MGAT2: variants seen among roughly 807,000 people sequenced by gnomAD.
MGAT2 encodes Beta-1,2-N-acetylglucosaminyltransferase II.
In MGAT2, 17 loss-of-function variants were observed where a neutral mutation model predicts 33.8. That is an observed-to-expected ratio of 0.50 (90% CI 0.34 to 0.76). The LOEUF (loss-of-function observed/expected upper bound fraction) is 0.76. Ranked by LOEUF, MGAT2 falls within the 30% of genes least tolerant of loss-of-function variation. MGAT2 has a pLI of 0.01. For synonymous variants in MGAT2, 248 were observed against 226.7 expected, an observed-to-expected ratio of 1.09 and a Z score of -0.84; for missense variants, 529 against 553.9, an observed-to-expected ratio of 0.96 and a Z score of 0.45.
rs570347177 is a variant in MGAT2, at chr14:49,622,670, T to A, written c.*58T>A. The stretch of plus-strand genomic sequence containing the variant: ...TTTTGATATTTGTCCAAACAGGACA[T>A]ACAATTGAATAAAAGAGTTTAGGAA... On this transcript the variant is annotated 3_prime_UTR_variant, in exon 1 of 1. Coordinates refer to ENST00000305386, the MANE Select transcript of MGAT2 (RefSeq NM_002408.4). 6.6e-7 allele frequency: 1 copy of A among 1,525,386 alleles called. No homozygotes were observed. The highest frequency in any genetic ancestry group is 2.3e-5 in the East Asian group (1 of 44,132). The allele number at this position is 1,525,386 out of a possible 1,614,324, so 94.5% of individuals were successfully genotyped here. A position where few individuals can be genotyped will look rare whatever the true frequency, so the allele number is the denominator to read the frequency against.
rs1882863052 is a variant in MGAT2, at chr14:49,621,827, G to C, written c.559G>C (p.Glu187Gln). 3 of 1,614,142 alleles carry C rather than the reference G, an allele frequency of 1.9e-6. No homozygotes were observed. Among genetic ancestry groups the C allele is most frequent in the Non-Finnish European group, 2.5e-6 (3 of 1,180,030 alleles). Residue 187 changes from glutamate to glutamine, a missense_variant, in exon 1 of 1, where the codon GAG becomes CAG. Physicochemically the swap from Glu to Gln is conservative, Grantham distance 29 (BLOSUM62 2). Coordinates refer to ENST00000305386, the MANE Select transcript of MGAT2 (RefSeq NM_002408.4). This position sits in a 1 kb window ranked among gnomAD's most constrained non-coding sequence, Gnocchi z 4.6. ...FPFSIQLYPNEFPGSDPRDCP... is the reference protein window; with the variant it reads ...FPFSIQLYPNQFPGSDPRDCP... ...TTTCAGCATTCAGTTGTACCCTAAC[G>C]AGTTTCCAGGTAGTGACCCTAGAGA...
Position 49,621,117 on chromosome 14 carries a change from C to G in MGAT2, c.-152C>G. On this transcript the variant is annotated 5_prime_UTR_variant, in exon 1 of 1. Transcript: ENST00000305386. This position sits in a 1 kb window ranked among gnomAD's most constrained non-coding sequence, Gnocchi z 4.6. The stretch of plus-strand genomic sequence containing the variant: ...TGAGAGGTCTCGGGCCCCAGGACCC[C>G]CGGGGCCCGGGATGAGTTAGCGAGG... 1 of 1,188,522 alleles carries G rather than the reference C, an allele frequency of 8.4e-7. No homozygotes were observed. Among genetic ancestry groups the G allele is most frequent in the Non-Finnish European group, 1.2e-6 (1 of 836,134 alleles). 73.6% of individuals were successfully genotyped at this position (1,188,522 alleles called of 1,614,324 possible). A position where few individuals can be genotyped will look rare whatever the true frequency, so the allele number is the denominator to read the frequency against.
rs1360821669 is a variant in MGAT2 at position 49,623,344 on chromosome 14, G to A, written c.*732G>A. On this transcript the variant is annotated 3_prime_UTR_variant, in exon 1 of 1. Coordinates refer to ENST00000305386, the MANE Select transcript of MGAT2 (RefSeq NM_002408.4). ...TAAAAAGGTTCCTAATCCTTTTGCA[G>A]AATAAGTTTTGTTTACTCTTTATAC... is the stretch of plus-strand genomic sequence containing the variant. 3 of 166,714 alleles carry A rather than the reference G, an allele frequency of 1.8e-5. No individual in the cohort carries two copies. Among genetic ancestry groups the A allele is most frequent in the Non-Finnish European group, 1.5e-5 (1 of 68,058 alleles). 10.3% of individuals were successfully genotyped at this position (166,714 alleles called of 1,614,324 possible). A position where few individuals can be genotyped will look rare whatever the true frequency, so the allele number is the denominator to read the frequency against.
rs761132325 is a variant in MGAT2 at position 49,621,731 on chromosome 14, T to A, written c.463T>A (p.Phe155Ile). ...CGTCCTCGTCATCTTTAGCCATGAC[T>A]TCTGGTCGACCGAGATCAATCAGCT... ...DNVLVIFSHD[F>I]WSTEINQLIA... is the part of the protein sequence containing the mutation. Residue 155 changes from phenylalanine (F) to isoleucine (I), a missense_variant, in exon 1 of 1, where the codon TTC becomes ATC. By Grantham distance (21) the Phe-to-Ile change is conservative. This residue lies in a region of MGAT2 where 501 missense variants were observed against 501.1 expected (regional missense o/e 1.00). Transcript: ENST00000305386. The surrounding 1 kb of genome is among the most constrained non-coding windows in gnomAD (Gnocchi z 4.6). 6.2e-7 allele frequency: 1 copy of A among 1,614,240 alleles called. No homozygotes were observed. Among genetic ancestry groups the A allele is most frequent in the South Asian group, 1.1e-5 (1 of 91,084 alleles).
Position 49,622,331 on chromosome 14 carries a change from G to T in MGAT2, c.1063G>T (p.Val355Leu). The T allele has an allele frequency of 6.2e-7, 1 of 1,614,138 alleles. No individual in the cohort carries two copies. Among genetic ancestry groups the T allele is most frequent in the Non-Finnish European group, 8.5e-7 (1 of 1,180,032 alleles). The change falls in exon 1 of 1, where the codon GTA (valine) becomes TTA (leucine). Residue 355 changes from valine (V) to leucine (L), a missense_variant. By Grantham distance (32) the Val-to-Leu change is conservative. Transcript: ENST00000305386. ...GGACTGGACTCTTCAATACTTGACT[G>T]TATCTTGTCTTCCAAAATTCTGGAA... Reference protein sequence around the residue: ...NWDWTLQYLTVSCLPKFWKVL... With the variant: ...NWDWTLQYLTLSCLPKFWKVL...
Position 49,622,595 on chromosome 14 carries a change from TATAGAAGA to T in MGAT2, c.1328_1335del (p.Tyr443SerfsTer16). 1 of 1,593,672 alleles carries T rather than the reference TATAGAAGA, an allele frequency of 6.3e-7. No individual in the cohort carries two copies. Among genetic ancestry groups the T allele is most frequent in the Non-Finnish European group, 8.5e-7 (1 of 1,174,420 alleles). ...TAGGGACCATGAACTCTGTAAAAGTTATAGAAGACTGCAGTGAAAATCACAGTTACAAA... is the reference window on the plus strand; with the variant it reads ...TAGGGACCATGAACTCTGTAAAAGTTCTGCAGTGAAAATCACAGTTACAAA... On this transcript the variant is annotated frameshift_variant, in exon 1 of 1. Transcript: ENST00000305386. LOFTEE classifies it high-confidence loss of function.
chr14:49,623,350 G>C lies in MGAT2; in HGVS notation c.*738G>C, dbSNP rs1031769834. 3 of 166,460 alleles carry C rather than the reference G, an allele frequency of 1.8e-5. No individual in the cohort carries two copies. The highest frequency in any genetic ancestry group is 2.9e-5 in the Non-Finnish European group (2 of 68,012). The allele number at this position is 166,460 out of a possible 1,614,324, so 10.3% of individuals were successfully genotyped here. ...GGTTCCTAATCCTTTTGCAGAATAA[G>C]TTTTGTTTACTCTTTATACCAAAAT... On this transcript the variant is annotated 3_prime_UTR_variant, in exon 1 of 1. Coordinates refer to ENST00000305386, the MANE Select transcript of MGAT2 (RefSeq NM_002408.4).
chr14:49,620,857 T>A lies in MGAT2; in HGVS notation c.-412T>A, dbSNP rs1435710881. On this transcript the variant is annotated 5_prime_UTR_variant, in exon 1 of 1. Transcript: ENST00000305386. ...AGTGAGGCGAGGCCGCGTCGCTCAG[T>A]TCTGGCCGTCTAGGGCCCCTGTAAG... is the stretch of plus-strand genomic sequence containing the variant. 7 of 672,338 alleles carry A rather than the reference T, an allele frequency of 1.0e-5. No individual in the cohort carries two copies. In the East Asian group the frequency reaches 1.9e-4, roughly 18 times the overall value. 41.6% of individuals were successfully genotyped at this position (672,338 alleles called of 1,614,324 possible). A position where few individuals can be genotyped will look rare whatever the true frequency, so the allele number is the denominator to read the frequency against.
Position 49,621,767 on chromosome 14 carries a change from G to T in MGAT2, c.499G>T (p.Val167Leu), listed in dbSNP as rs1398892073. 1 of 1,614,146 alleles carries T rather than the reference G, an allele frequency of 6.2e-7. No individual in the cohort carries two copies. Among genetic ancestry groups the T allele is most frequent in the Admixed American group, 1.7e-5 (1 of 60,014 alleles). Residue 167 changes from valine to leucine, a missense_variant, in exon 1 of 1, where the codon GTG becomes TTG. By Grantham distance (32) the Val-to-Leu change is conservative (BLOSUM62 1). Around this residue, in one of 2 missense-constraint regions of MGAT2, gnomAD observed 501 missense variants for 501.1 expected, o/e 1.00. Transcript: ENST00000305386. The surrounding 1 kb of genome is among the most constrained non-coding windows in gnomAD (Gnocchi z 4.6). ...CGAGATCAATCAGCTGATCGCCGGGGTGAATTTCTGTCCGGTTCTGCAGGT... is the reference window on the plus strand; with the variant it reads ...CGAGATCAATCAGCTGATCGCCGGGTTGAATTTCTGTCCGGTTCTGCAGGT... ...STEINQLIAG[V>L]NFCPVLQVFF...
rs1297291819 is a variant in MGAT2, at chr14:49,621,931, T to C, written c.663T>C (p.His221=). 1.2e-6 allele frequency: 2 copies of C among 1,614,194 alleles called. No homozygotes were observed. Among genetic ancestry groups the C allele is most frequent in the South Asian group, 1.1e-5 (1 of 91,084 alleles). Residue 221 remains histidine (H), a synonymous_variant, in exon 1 of 1, where the codon CAT becomes CAC. Transcript: ENST00000305386. The surrounding 1 kb of genome is among the most constrained non-coding windows in gnomAD (Gnocchi z 4.6). ...INAEYPDSFG[H]YREAKFSQTK... ...CTGAGTATCCCGACTCCTTCGGCCA[T>C]TATAGAGAGGCCAAATTCTCCCAGA...
Position 49,621,137 on chromosome 14 carries a change from G to A in MGAT2, c.-132G>A. 7.2e-7 allele frequency: 1 copy of A among 1,387,416 alleles called. No individual in the cohort carries two copies. 85.9% of individuals were successfully genotyped at this position (1,387,416 alleles called of 1,614,324 possible). ...GACCCCCGGGGCCCGGGATGAGTTAGCGAGGGCAGCCGCGGGGGCCAGTTC... is the reference window on the plus strand; with the variant it reads ...GACCCCCGGGGCCCGGGATGAGTTAACGAGGGCAGCCGCGGGGGCCAGTTC... On this transcript the variant is annotated 5_prime_UTR_variant, in exon 1 of 1. An upstream open reading frame in the 5' UTR loses its in-frame stop. Transcript: ENST00000305386. This position sits in a 1 kb window ranked among gnomAD's most constrained non-coding sequence, Gnocchi z 4.6.
chr14:49,622,321 A>G lies in MGAT2; in HGVS notation c.1053A>G (p.Gln351=), dbSNP rs564693428. The G allele has an allele frequency of 1.4e-5, 23 of 1,614,192 alleles. No individual in the cohort carries two copies. In the Middle Eastern group the frequency reaches 4.9e-4, roughly 35 times the overall value. Residue 351 remains glutamine, a synonymous_variant, in exon 1 of 1, where the codon CAA becomes CAG. Coordinates refer to ENST00000305386, the MANE Select transcript of MGAT2 (RefSeq NM_002408.4). ...YDDYNWDWTL[Q]YLTVSCLPKF... ...ATTATAACTGGGACTGGACTCTTCA[A>G]TACTTGACTGTATCTTGTCTTCCAA...
In MGAT2 at chr14:49,620,836, A is replaced by C; in HGVS notation, c.-433A>C. The C allele has an allele frequency of 3.2e-6, 2 of 626,334 alleles. No individual in the cohort carries two copies. Among genetic ancestry groups the C allele is most frequent in the South Asian group, 3.5e-5 (2 of 56,626 alleles). 38.8% of individuals were successfully genotyped at this position (626,334 alleles called of 1,614,324 possible). ...TGTCATAACGGTCCCCGCCGGAGTG[A>C]GGCGAGGCCGCGTCGCTCAGTTCTG... On this transcript the variant is annotated 5_prime_UTR_variant, in exon 1 of 1. Coordinates refer to ENST00000305386, the MANE Select transcript of MGAT2 (RefSeq NM_002408.4).
At position 49,621,468 on chromosome 14, in the gene MGAT2, T is replaced by C. The variant is rs1431027658; in HGVS notation, c.200T>C (p.Val67Ala). 1.9e-6 allele frequency: 3 copies of C among 1,608,096 alleles called. No homozygotes were observed. In the African/African-American group the frequency reaches 4.0e-5, roughly 22 times the overall value. The change falls in exon 1 of 1, where the codon GTC (valine) becomes GCC (alanine). Residue 67 changes from valine to alanine, a missense_variant. Physicochemically the swap from Val to Ala is moderately conservative, Grantham distance 64. Transcript: ENST00000305386. The surrounding 1 kb of genome is among the most constrained non-coding windows in gnomAD (Gnocchi z 4.6). ...TCTGTGGCTGTGGGCATCCGCAGGG[T>C]CTCCAACGTGTCGGCGGCTTCCCTG... The part of the protein sequence containing the change: ...HPSVAVGIRR[V>A]SNVSAASLVP...
chr14:49,623,222 G>C lies in MGAT2; in HGVS notation c.*610G>C, dbSNP rs1566506001. The C allele has an allele frequency of 6.0e-6, 1 of 166,194 alleles. No individual in the cohort carries two copies. Among genetic ancestry groups the C allele is most frequent in the Non-Finnish European group, 1.5e-5 (1 of 67,980 alleles). The allele number at this position is 166,194 out of a possible 1,614,324, so 10.3% of individuals were successfully genotyped here. ...CTTTTGGAATGTATTTGATTGATAA[G>C]AAAGTTTAAACATTGTTTTCACCTC... is the stretch of plus-strand genomic sequence containing the variant. On this transcript the variant is annotated 3_prime_UTR_variant, in exon 1 of 1. Transcript: ENST00000305386.
chr14:49,622,032 TACTTTTCCTAG>T lies in MGAT2; in HGVS notation c.766_776del (p.Leu256ArgfsTer26). ...ATTCTTCGAGATTATGCTGGCCTTATACTTTTCCTAGAAGAGGATCACTACTTAGCCCCAGA... is the reference window on the plus strand; with the variant it reads ...ATTCTTCGAGATTATGCTGGCCTTATAAGAGGATCACTACTTAGCCCCAGA... On this transcript the variant is annotated frameshift_variant, in exon 1 of 1. Transcript: ENST00000305386. LOFTEE classifies it high-confidence loss of function. 6.2e-7 allele frequency: 1 copy of T among 1,614,122 alleles called. No individual in the cohort carries two copies. Among genetic ancestry groups the T allele is most frequent in the Non-Finnish European group, 8.5e-7 (1 of 1,180,016 alleles).
Position 49,622,865 on chromosome 14 carries a change from G to C in MGAT2, c.*253G>C, listed in dbSNP as rs1354955606. ...AAAATTGATTATTGTTGATATGAGA[G>C]AAGAGGGGAAATTTTATTTAAATTG... On this transcript the variant is annotated 3_prime_UTR_variant, in exon 1 of 1. Transcript: ENST00000305386. 9.5e-6 allele frequency: 3 copies of C among 314,854 alleles called. No individual in the cohort carries two copies. The highest frequency in any genetic ancestry group is 1.8e-5 in the Non-Finnish European group (3 of 164,604). The allele number at this position is 314,854 out of a possible 1,614,324, so 19.5% of individuals were successfully genotyped here.
rs1345498884 is a variant in MGAT2, at chr14:49,621,119, G to A, written c.-150G>A. 8.4e-7 allele frequency: 1 copy of A among 1,197,370 alleles called. No individual in the cohort carries two copies. The allele number at this position is 1,197,370 out of a possible 1,614,324, so 74.2% of individuals were successfully genotyped here. ...AGAGGTCTCGGGCCCCAGGACCCCC[G>A]GGGCCCGGGATGAGTTAGCGAGGGC... On this transcript the variant is annotated 5_prime_UTR_variant, in exon 1 of 1. Coordinates refer to ENST00000305386, the MANE Select transcript of MGAT2 (RefSeq NM_002408.4). This position sits in a 1 kb window ranked among gnomAD's most constrained non-coding sequence, Gnocchi z 4.6.
rs1051624122 is a variant in MGAT2, at chr14:49,621,048, G to A, written c.-221G>A. On this transcript the variant is annotated 5_prime_UTR_variant, in exon 1 of 1. An upstream open reading frame in the 5' UTR loses its in-frame stop. Coordinates refer to ENST00000305386, the MANE Select transcript of MGAT2 (RefSeq NM_002408.4). The surrounding 1 kb of genome is among the most constrained non-coding windows in gnomAD (Gnocchi z 4.6). ...CGGCGGCGCCGATGCTCGAGCTGTA[G>A]CTGCCAGGCGAGGATGTGTGGAGCG... 1.4e-5 allele frequency: 10 copies of A among 730,816 alleles called. No individual in the cohort carries two copies. The highest frequency in any genetic ancestry group is 1.3e-4 in the South Asian group (9 of 68,088). 45.3% of individuals were successfully genotyped at this position (730,816 alleles called of 1,614,324 possible). A position where few individuals can be genotyped will look rare whatever the true frequency, so the allele number is the denominator to read the frequency against.
Sources: gnomAD v4.1 joint callset for allele counts on GRCh38, gnomAD v4.1.1 for gene constraint, gnomAD v4.1.1 regional missense constraint, Gnocchi (gnomAD v3.1) non-coding constraint, MANE v1.5 for transcripts, NCBI Gene and HGNC (gene_info 2026-07-23, HGNC 2026-07-21) for gene names.